Variants in OXNAD1 observed in about 807,000 individuals in gnomAD.
The protein encoded by OXNAD1 is oxidoreductase NAD binding domain containing 1, also known as oxidoreductase NAD-binding domain-containing protein 1.
Under a neutral mutation model 32.9 loss-of-function variants are expected in OXNAD1, and 34 were observed. The ratio of observed to expected loss-of-function variants is 1.03; its 90% confidence interval spans 0.79 to 1.38. OXNAD1 has a LOEUF of 1.38. Ranked by LOEUF, OXNAD1 falls within the 40% of genes most tolerant of loss-of-function variation. The probability of loss-of-function intolerance (pLI) is 0.00; values close to 1 mark genes in which losing one functional copy is unlikely to be tolerated. For synonymous variants in OXNAD1, 134 were observed against 135.2 expected (o/e 0.99, Z 0.06); for missense variants, 407 against 379.4 (o/e 1.07, Z -0.60).
chr3:16,346,844 CTGAGGA>C lies in OXNAD1; in HGVS notation c.*31-2327_*31-2322del, dbSNP rs1453268272. 6.6e-6 allele frequency among the ~76,000 whole-genome samples: 1 copy of C among 152,190 alleles called. No homozygotes were observed. Among genetic ancestry groups the C allele is most frequent in the Non-Finnish European group, 1.5e-5 (1 of 68,034 alleles). On this transcript the variant is annotated intron_variant, in intron 9 of 9. Transcript: ENST00000606098. This position sits in a 1 kb window ranked among gnomAD's most constrained non-coding sequence, Gnocchi z 4.4. ...TCATAAGGAGAGCCCTGCAGACAGG[CTGAGGA>C]TGAGTACAGAAAGATGGCAACATCT...
At chr3:16,323,452 C>T in intron 9 of OXNAD1, 1 of 1,610,516 alleles carries the variant, frequency 6.2e-7, no homozygotes, top group Non-Finnish European at 8.5e-7. Flanking sequence ...GGATACACTC[C>T]CCTCGCTGTA....
Position 16,271,762 on chromosome 3 carries a change from C to T in OXNAD1, c.183+40C>T. ...GGTATGACAGGTTTTTCCAGCTAGA[C>T]CGTTTACATGTGGTTATGACTGGCT... On this transcript the variant is annotated intron_variant, in intron 4 of 8. Coordinates refer to ENST00000285083, the MANE Select transcript of OXNAD1 (RefSeq NM_138381.5). This position sits in a 1 kb window ranked among gnomAD's most constrained non-coding sequence, Gnocchi z 4.6. 6.4e-7 allele frequency: 1 copy of T among 1,553,956 alleles called. No individual in the cohort carries two copies. The highest frequency in any genetic ancestry group is 8.8e-7 in the Non-Finnish European group (1 of 1,138,098).
rs191247745 is a variant in OXNAD1, at chr3:16,290,902, A to T, written c.291-3954A>T. On this transcript the variant is annotated intron_variant, in intron 5 of 8. Transcript: ENST00000285083. This position sits in a 1 kb window ranked among gnomAD's most constrained non-coding sequence, Gnocchi z 4.2. ...TATGTAGGTAAGCAACTGGGGAAGG[A>T]TGATACTTTTTGCTCTTGTGATGGC... Among the ~76,000 whole-genome samples the T allele has an allele frequency of 5.9e-5, 9 of 152,276 alleles. No individual in the cohort carries two copies. Among genetic ancestry groups the T allele is most frequent in the African/African-American group, 1.9e-4 (8 of 41,556 alleles).
In OXNAD1 at chr3:16,336,808, G is replaced by C. The variant is rs2070895866; in HGVS notation, c.*31-304G>C. On this transcript the variant is annotated intron_variant, in intron 9 of 9. Coordinates refer to the OXNAD1 transcript ENST00000435829. The surrounding 1 kb of genome is among the most constrained non-coding windows in gnomAD (Gnocchi z 6.0). ...CATCTTTGTCTCATTTTCTCTACCA[G>C]GTAAGAAAGGCAGCAAACTCAGTAG... 6.6e-6 allele frequency among the ~76,000 whole-genome samples: 1 copy of C among 152,058 alleles called. No individual in the cohort carries two copies. Among genetic ancestry groups the C allele is most frequent in the Admixed American group, 6.5e-5 (1 of 15,270 alleles).
In OXNAD1 at chr3:16,345,837, C is replaced by CGT. The variant is rs1491297712; in HGVS notation, c.*31-3338_*31-3337insTG. On this transcript the variant is annotated intron_variant, in intron 9 of 9. Coordinates refer to the OXNAD1 transcript ENST00000606098. This position sits in a 1 kb window ranked among gnomAD's most constrained non-coding sequence, Gnocchi z 5.2. The stretch of plus-strand genomic sequence containing the variant: ...GTGTGTGCGCGCGCGCGTGCGCGCA[C>CGT]GCGCACATGTGCATGTGTATGTGTA... Among the ~76,000 whole-genome samples the CGT allele has an allele frequency of 3.7e-4, 11 of 29,706 alleles. 1 individual carries two copies. The highest frequency in any genetic ancestry group is 5.8e-4 in the African/African-American group (3 of 5,202). The allele number at this position is 29,706 out of a possible 152,430, so 19.5% of individuals were successfully genotyped here. A position where few individuals can be genotyped will look rare whatever the true frequency, so the allele number is the denominator to read the frequency against.
At chr3:16,266,604 A>G (rs1158762318) in intron 1 of OXNAD1, among the ~76,000 whole-genome samples, 1 of 71,782 alleles carries the variant, frequency 1.4e-5, no homozygotes, top group Admixed American at 1.5e-4. Context: ...CGCTGTCTCA[A>G]AAAAAAAAAA....
downstream of OXNAD1, among the ~76,000 whole-genome samples, chr3:16,338,661 G>A (rs1182301889): frequency 6.6e-6 from 1 of 152,222 alleles, no homozygotes; most frequent in African/African-American, 2.4e-5. The surrounding 1 kb of genome is among the most constrained non-coding windows in gnomAD (Gnocchi z 5.3). Context: ...CTTTCTGGGA[G>A]TAAATGGGAC....
chr3:16,318,059 G>A (rs1028723947), intron 9 of OXNAD1, among the ~76,000 whole-genome samples: 19 of 152,264 alleles, frequency 1.2e-4, no homozygotes, highest in African/African-American at 3.6e-4. Flanking sequence ...AGCATTTCCT[G>A]GTGTGACAGG....
rs897450139 is a variant in OXNAD1, at chr3:16,336,303, C to A, written c.*31-809C>A. 6.6e-6 allele frequency among the ~76,000 whole-genome samples: 1 copy of A among 152,172 alleles called. No individual in the cohort carries two copies. The highest frequency in any genetic ancestry group is 1.5e-5 in the Non-Finnish European group (1 of 68,018). The stretch of plus-strand genomic sequence containing the variant: ...TGTGCCACTTGGGAAGCCTCTTCTG[C>A]CCCAGGAGATCCCAGTCTAGGGGTG... On this transcript the variant is annotated intron_variant, in intron 9 of 9. Transcript: ENST00000435829. The surrounding 1 kb of genome is among the most constrained non-coding windows in gnomAD (Gnocchi z 6.0).
chr3:16,292,182 GTCT>G (rs1433556391), intron 5 of OXNAD1, among the ~76,000 whole-genome samples: 3 of 146,042 alleles, frequency 2.1e-5, no homozygotes, highest in Non-Finnish European at 3.0e-5. Context: ...TATGTAGATT[GTCT>G]TCTTAACTTT....
Position 16,284,864 on chromosome 3 carries a change from GCTTA to G in OXNAD1, c.184-1474_184-1471del, listed in dbSNP as rs1559742824. ...ATGCTGTTAACAGCCATATTCTGCT[GCTTA>G]CTTTATTTTGTTGCTGAATTGCTTT... On this transcript the variant is annotated intron_variant, in intron 4 of 8. Coordinates refer to ENST00000285083, the MANE Select transcript of OXNAD1 (RefSeq NM_138381.5). The surrounding 1 kb of genome is among the most constrained non-coding windows in gnomAD (Gnocchi z 4.1). Among the ~76,000 whole-genome samples the G allele has an allele frequency of 6.6e-6, 1 of 152,348 alleles. No homozygotes were observed. Among genetic ancestry groups the G allele is most frequent in the East Asian group, 1.9e-4 (1 of 5,192 alleles).
chr3:16,317,100 C>CA lies in OXNAD1; in HGVS notation c.*30+13509dup, dbSNP rs1210524852. On this transcript the variant is annotated intron_variant, in intron 9 of 9. Coordinates refer to the OXNAD1 transcript ENST00000435829. The surrounding 1 kb of genome is among the most constrained non-coding windows in gnomAD (Gnocchi z 4.3). ...CCTGAAACACAGTTTCCCATGTCTC[C>CA]AGCTTTGGAAGACTGGTCTTCTAAG... 6.2e-7 allele frequency: 1 copy of CA among 1,613,948 alleles called. No homozygotes were observed.
Position 16,303,645 on chromosome 3 carries a change from T to TA in OXNAD1, c.*84dup, listed in dbSNP as rs1280429588. On this transcript the variant is annotated 3_prime_UTR_variant, in exon 9 of 9. Coordinates refer to ENST00000285083, the MANE Select transcript of OXNAD1 (RefSeq NM_138381.5). The surrounding 1 kb of genome is among the most constrained non-coding windows in gnomAD (Gnocchi z 4.8). ...CCTTTGTGGCATGATTAATTTTTTTTATCTCTACTTGAGTTGTCTTATTTT... is the reference window on the plus strand; with the variant it reads ...CCTTTGTGGCATGATTAATTTTTTTTAATCTCTACTTGAGTTGTCTTATTTT... 20 of 1,415,600 alleles carry TA rather than the reference T, an allele frequency of 1.4e-5. No homozygotes were observed. The highest frequency in any genetic ancestry group is 1.9e-5 in the Non-Finnish European group (20 of 1,059,414). 87.7% of individuals were successfully genotyped at this position (1,415,600 alleles called of 1,614,324 possible).
At chr3:16,343,741 G>T (rs1048734115) in intron 9 of OXNAD1, among the ~76,000 whole-genome samples, 1 of 152,316 alleles carries the variant, frequency 6.6e-6, no homozygotes, top group Non-Finnish European at 1.5e-5. Flanking sequence ...CAACACAAAA[G>T]GAACTAATGT....
Position 16,345,816 on chromosome 3 carries a change from GTGCGCGCGCGCGTGCGCGCACGCGCACA to G in OXNAD1, c.*31-3357_*31-3330del, listed in dbSNP as rs1359698897. 2.8e-4 allele frequency among the ~76,000 whole-genome samples: 34 copies of G among 123,264 alleles called. 1 individual carries two copies. The highest frequency in any genetic ancestry group is 8.8e-4 in the African/African-American group (24 of 27,164). 80.9% of individuals were successfully genotyped at this position (123,264 alleles called of 152,430 possible). ...TGTGTGTGTGTGTGTGTGTGTGTGT[GTGCGCGCGCGCGTGCGCGCACGCGCACA>G]TGTGCATGTGTATGTGTATAATCTC... is the stretch of plus-strand genomic sequence containing the variant. On this transcript the variant is annotated intron_variant, in intron 9 of 9. Coordinates refer to the OXNAD1 transcript ENST00000606098. This position sits in a 1 kb window ranked among gnomAD's most constrained non-coding sequence, Gnocchi z 5.2.
intron 5 of OXNAD1, among the ~76,000 whole-genome samples, chr3:16,294,197 CCTTT>C (rs1428733033): frequency 2.0e-5 from 3 of 151,398 alleles, no homozygotes; most frequent in East Asian, 1.9e-4. Flanking sequence ...TGGACCTGAG[CCTTT>C]CTTTTTTTTT....
rs1003887086 is a variant in OXNAD1, at chr3:16,299,276, C to A, written c.433-2350C>A. Reference sequence around the variant, plus strand: ...TATAGGAGATGAAATTCATTGTCATCGTTAGGCAGAGCCTCTTGTATCTTA... The same window carrying A: ...TATAGGAGATGAAATTCATTGTCATAGTTAGGCAGAGCCTCTTGTATCTTA... On this transcript the variant is annotated intron_variant, in intron 6 of 8. Coordinates refer to ENST00000285083, the MANE Select transcript of OXNAD1 (RefSeq NM_138381.5). The surrounding 1 kb of genome is among the most constrained non-coding windows in gnomAD (Gnocchi z 4.4). Among the ~76,000 whole-genome samples the A allele has an allele frequency of 6.6e-6, 1 of 152,138 alleles. No individual in the cohort carries two copies. The highest frequency in any genetic ancestry group is 1.5e-5 in the Non-Finnish European group (1 of 68,020).
intron 4 of OXNAD1, chr3:16,275,501 G>A (rs1186544285): frequency 1.3e-5 from 2 of 152,306 alleles, no homozygotes. Context: ...AGGAGTTCAA[G>A]GTTACTAACG....
At chr3:16,333,848 C>G (rs551556298) in intron 9 of OXNAD1, among the ~76,000 whole-genome samples, 2 of 152,244 alleles carry the variant, frequency 1.3e-5, no homozygotes, top group African/African-American at 4.8e-5. Flanking sequence ...GAGAGAAATG[C>G]AGAATCTCAT....
Sources: allele counts gnomAD v4.1 joint callset (sites outside exome capture counted in the v4.1 genomes callset), GRCh38; gene constraint gnomAD v4.1.1; non-coding constraint Gnocchi (gnomAD v3.1); transcripts MANE v1.5; gene names NCBI Gene and HGNC (gene_info 2026-07-23, HGNC 2026-07-21).